CDC73: variants seen among roughly 807,000 people sequenced by gnomAD.
CDC73 encodes the protein cell division cycle 73.
Under a neutral mutation model 83.7 loss-of-function variants are expected in CDC73, and 21 were observed. That is an observed-to-expected ratio of 0.25 (90% CI 0.18 to 0.36). The LOEUF (loss-of-function observed/expected upper bound fraction) is 0.36, where lower values mean the gene tolerates loss of function less well. CDC73 is among the 10% of genes least tolerant of loss of function. CDC73 has a pLI of 1.00. For synonymous variants in CDC73, 224 were observed against 212.9 expected, an observed-to-expected ratio of 1.05 and a Z score of -0.45; for missense variants, 342 against 653.3, an observed-to-expected ratio of 0.52 and a Z score of 5.19.
chr1:193,137,814 G>T (rs1372390387), intron 5 of CDC73, among the ~76,000 whole-genome samples: 4 of 152,138 alleles, frequency 2.6e-5, no homozygotes, highest in Non-Finnish European at 5.9e-5. Context: ...AAGAAAGTCA[G>T]CTATGATATG....
At chr1:193,134,393 G>A (rs540518968) in intron 3 of CDC73, among the ~76,000 whole-genome samples, 168 of 152,098 alleles carry the variant, frequency 1.1e-3, no homozygotes, top group African/African-American at 3.9e-3. Context: ...AAAGAGGGCC[G>A]GGCACAGTGG....
At chr1:193,212,322 C>G in intron 12 of CDC73, 68 bp from the exon 13 acceptor site, 3 of 1,036,894 alleles carry the variant, frequency 2.9e-6, no homozygotes, top group Non-Finnish European at 4.3e-6. Context: ...AATCTTTTAA[C>G]TTTTAGTAGA....
intron 15 of CDC73, among the ~76,000 whole-genome samples, chr1:193,240,332 A>C (rs527388421): frequency 6.6e-6 from 1 of 152,178 alleles, no homozygotes; most frequent in East Asian, 1.9e-4. Context: ...AAGGGGTGCA[A>C]GTATCCCTTT....
intron 10 of CDC73, among the ~76,000 whole-genome samples, chr1:193,188,393 T>G (rs1220363857): frequency 6.6e-6 from 1 of 152,198 alleles, no homozygotes; most frequent in Non-Finnish European, 1.5e-5. Flanking sequence ...ACTATCATTA[T>G]TCTCTGTTCT....
chr1:193,154,153 A>G (rs1037221604), intron 10 of CDC73, among the ~76,000 whole-genome samples: 5 of 152,220 alleles, frequency 3.3e-5, no homozygotes, highest in Non-Finnish European at 7.3e-5. Context: ...CCTAAGTGCG[A>G]CAGAACTTGC....
intron 11 of CDC73, among the ~76,000 whole-genome samples, chr1:193,207,853 G>C (rs1200735474): frequency 6.6e-6 from 1 of 152,136 alleles, no homozygotes; most frequent in African/African-American, 2.4e-5. Flanking sequence ...GTAAAGACAG[G>C]CATAAGAAAT....
chr1:193,194,841 C>T (rs778573598), intron 10 of CDC73, among the ~76,000 whole-genome samples: 2 of 151,898 alleles, frequency 1.3e-5, no homozygotes, highest in Non-Finnish European at 2.9e-5. Flanking sequence ...ATTTGAATTG[C>T]TATATTAGTC....
At chr1:193,156,413 C>G (rs775489555) in intron 10 of CDC73, among the ~76,000 whole-genome samples, 2 of 152,182 alleles carry the variant, frequency 1.3e-5, no homozygotes, top group Non-Finnish European at 2.9e-5. Flanking sequence ...CCTTTAAGAT[C>G]TTTGCTTGAA....
At chr1:193,234,169 TCTCTCTCACACACACA>T (rs1677708995) in intron 14 of CDC73, among the ~76,000 whole-genome samples, 1 of 81,566 alleles carries the variant, frequency 1.2e-5, no homozygotes, top group South Asian at 5.3e-4. Flanking sequence ...TCTCTCTCTC[TCTCTCTCACACACACA>T]CACACACACA....
intron 5 of CDC73, 33 bp downstream of exon 5, chr1:193,135,622 A>T (rs1204785770): frequency 6.7e-7 from 1 of 1,499,518 alleles, no homozygotes; most frequent in Non-Finnish European, 9.2e-7. Flanking sequence ...AATTTTATTT[A>T]TATTGTTATT....
intron 15 of CDC73, among the ~76,000 whole-genome samples, chr1:193,245,035 G>C (rs1677929493): frequency 6.6e-6 from 1 of 152,058 alleles, no homozygotes; most frequent in African/African-American, 2.4e-5. Flanking sequence ...CCATATAATT[G>C]TACATATTTA....
At chr1:193,178,688 A>C (rs1280450696) in intron 10 of CDC73, among the ~76,000 whole-genome samples, 1 of 152,194 alleles carries the variant, frequency 6.6e-6, no homozygotes, top group African/African-American at 2.4e-5. Flanking sequence ...AGTGAAAGAC[A>C]GGCTTGATCC....
chr1:193,127,289 ATGTGTGTGTG>A (rs34948918), intron 2 of CDC73, among the ~76,000 whole-genome samples: 5,894 of 143,250 alleles, frequency 0.041, 114 homozygotes, highest in Middle Eastern at 0.046. Flanking sequence ...AAAAAAAAAA[ATGTGTGTGTG>A]TGTGTGTGTG....
chr1:193,194,035 C>G (rs1371852087), intron 10 of CDC73, among the ~76,000 whole-genome samples: 1 of 151,842 alleles, frequency 6.6e-6, no homozygotes, highest in Non-Finnish European at 1.5e-5. Flanking sequence ...AAAGATATAC[C>G]CTGTGATAGA....
At position 193,125,702 on chromosome 1, in the gene CDC73, G is replaced by C. The variant is rs545830712; in HGVS notation, c.237+485G>C. On this transcript the variant is annotated intron_variant, in intron 2 of 16. Coordinates refer to ENST00000367435, the MANE Select transcript of CDC73 (RefSeq NM_024529.5). ...AGCCAGCCTCCCACCTCAGTCTCCT[G>C]AGAAACTGGGACTATAGGCATGGCC... Among the ~76,000 whole-genome samples the C allele has an allele frequency of 3.0e-4, 46 of 151,510 alleles. No homozygotes were observed. The South Asian group carries it at 9.1e-3, about 30-fold the overall frequency.
intron 7 of CDC73, among the ~76,000 whole-genome samples, chr1:193,142,619 C>T (rs1675925040): frequency 6.6e-6 from 1 of 152,010 alleles, no homozygotes; most frequent in Non-Finnish European, 1.5e-5. Context: ...CCTTTCTTCT[C>T]TCTGCCCCCC....
At chr1:193,245,311 G>T (rs1038434191) in intron 15 of CDC73, among the ~76,000 whole-genome samples, 6 of 151,984 alleles carry the variant, frequency 3.9e-5, no homozygotes, top group Admixed American at 3.9e-4. Flanking sequence ...ATTTTCTGTT[G>T]CACTTTTTAC....
At chr1:193,230,977 A>C (rs1677654094) in intron 13 of CDC73, among the ~76,000 whole-genome samples, 1 of 152,314 alleles carries the variant, frequency 6.6e-6, no homozygotes, top group African/African-American at 2.4e-5. Context: ...ACAGCATCTA[A>C]AAATTCTAGG....
chr1:193,164,608 T>C (rs955192012), intron 10 of CDC73, among the ~76,000 whole-genome samples: 2 of 152,150 alleles, frequency 1.3e-5, no homozygotes, highest in Non-Finnish European at 2.9e-5. Context: ...TTCAAATGTT[T>C]AGTGGTATTA....
Sources: allele counts gnomAD v4.1 joint callset (sites outside exome capture counted in the v4.1 genomes callset), GRCh38; gene constraint gnomAD v4.1.1; transcripts MANE v1.5; gene names NCBI Gene and HGNC (gene_info 2026-07-23, HGNC 2026-07-21).